Variants in CUBN observed in about 807,000 individuals in gnomAD.
The protein encoded by CUBN is 460 kDa receptor.
In CUBN, 282 loss-of-function variants were observed where a neutral mutation model predicts 405.3. The observed-to-expected ratio is 0.70, with a 90% confidence interval of 0.63 to 0.77. The LOEUF is 0.77. CUBN is among the 30% of genes least tolerant of loss of function. The pLI, the probability that CUBN is intolerant of heterozygous loss-of-function variation, is 0.00. For synonymous variants in CUBN, 1,684 were observed against 1,617.0 expected (o/e 1.04, Z -0.99); for missense variants, 4,514 against 4,475.2 (o/e 1.01, Z -0.25).
chr10:17,096,434 T>G (rs1407198737), intron 14 of CUBN, among the ~76,000 whole-genome samples: 2 of 151,932 alleles, frequency 1.3e-5, no homozygotes, highest in African/African-American at 4.8e-5. Flanking sequence ...TCAGTTAAGC[T>G]CCAATAAAGC....
chr10:16,900,902 G>T, intron 52 of CUBN, 52 bp from the exon 53 acceptor site: 1 of 1,179,254 alleles, frequency 8.5e-7, no homozygotes, highest in Non-Finnish European at 1.3e-6. Context: ...CAACTGTTAC[G>T]AAGATAAGGC....
intron 57 of CUBN, among the ~76,000 whole-genome samples, chr10:16,876,515 T>C (rs998020305): frequency 1.3e-5 from 2 of 152,152 alleles, no homozygotes; most frequent in Non-Finnish European, 2.9e-5. Flanking sequence ...TCTAAATATA[T>C]AAAATATTAA....
intron 65 of CUBN, among the ~76,000 whole-genome samples, chr10:16,829,298 C>T (rs1057264446): frequency 6.7e-6 from 1 of 150,056 alleles, no homozygotes; most frequent in African/African-American, 2.5e-5. Context: ...GGGATAACTT[C>T]CTCCAGGACT....
intron 65 of CUBN, 62 bp downstream of exon 65, chr10:16,831,190 T>C: frequency 6.9e-7 from 1 of 1,454,116 alleles, no homozygotes. Context: ...CTTTGCCTTT[T>C]ACTATTAGAC....
chr10:16,897,573 G>T (rs182887125), intron 54 of CUBN, among the ~76,000 whole-genome samples: 1 of 152,098 alleles, frequency 6.6e-6, no homozygotes, highest in Non-Finnish European at 1.5e-5. Flanking sequence ...GGACAAAGAG[G>T]CTTCCCAGAC....
At chr10:17,093,959 CAGA>C (rs1241428383) in intron 14 of CUBN, among the ~76,000 whole-genome samples, 3 of 151,874 alleles carry the variant, frequency 2.0e-5, no homozygotes, top group Admixed American at 6.6e-5. Context: ...ATTTGAGTCT[CAGA>C]AGGAGAAGAA....
At chr10:16,915,010 T>C (rs778795711) in intron 47 of CUBN, 22 bp downstream of exon 47, 2 of 1,609,472 alleles carry the variant, frequency 1.2e-6, no homozygotes. Flanking sequence ...CAATGTTGTG[T>C]TGAATGAATC....
chr10:17,008,107 C>T (rs1002576362), intron 28 of CUBN, among the ~76,000 whole-genome samples: 9 of 152,008 alleles, frequency 5.9e-5, no homozygotes, highest in South Asian at 2.1e-4. Context: ...GCTGAGATTG[C>T]GCCACTGCAC....
At chr10:17,009,670 C>A (rs142538371) in intron 28 of CUBN, among the ~76,000 whole-genome samples, 1 of 152,166 alleles carries the variant, frequency 6.6e-6, no homozygotes, top group Non-Finnish European at 1.5e-5. Context: ...ATAGTCAGGG[C>A]CCCACTGCAG....
chr10:16,859,727 GGT>G (rs1244408032), intron 59 of CUBN, among the ~76,000 whole-genome samples: 1 of 152,038 alleles, frequency 6.6e-6, no homozygotes, highest in Non-Finnish European at 1.5e-5. Flanking sequence ...ATAAAAGAGA[GGT>G]CTTCCAAAAG....
intron 14 of CUBN, among the ~76,000 whole-genome samples, chr10:17,095,730 T>C (rs1334729130): frequency 2.0e-5 from 3 of 152,106 alleles, no homozygotes; most frequent in Admixed American, 2.0e-4. Flanking sequence ...TTCAGCAATC[T>C]CACTTCTGGT....
chr10:16,901,713 G>A (rs929394964), intron 51 of CUBN, among the ~76,000 whole-genome samples: 2 of 151,512 alleles, frequency 1.3e-5, no homozygotes, highest in African/African-American at 4.9e-5. Flanking sequence ...AATTAGCTGG[G>A]CTTGGTGGCG....
chr10:17,036,994 T>C (rs1303511833), intron 27 of CUBN, among the ~76,000 whole-genome samples: 1 of 152,180 alleles, frequency 6.6e-6, no homozygotes, highest in African/African-American at 2.4e-5. Flanking sequence ...TTTCTGAATA[T>C]GAACAACCTA....
intron 56 of CUBN, among the ~76,000 whole-genome samples, chr10:16,881,363 T>A (rs949088601): frequency 6.6e-6 from 1 of 152,236 alleles, no homozygotes; most frequent in East Asian, 1.9e-4. Context: ...CTTGATTATG[T>A]TGACAAATAG....
At chr10:17,084,247 G>A (rs370369214) in intron 17 of CUBN, 24 bp downstream of exon 17, 1 of 1,610,436 alleles carries the variant, frequency 6.2e-7, no homozygotes, top group African/African-American at 1.3e-5. Context: ...TGTCATCTAA[G>A]GGCGATTGAG....
Position 16,948,538 on chromosome 10 carries a change from C to A in CUBN, c.5149G>T (p.Val1717Phe), listed in dbSNP as rs769662282. The stretch of plus-strand genomic sequence containing the variant: ...CCAGCACTGATGCTAGAATCAGAGA[C>A]GAATCTCAGCGTCAGGGCGCTGCTG... ...SFSSALTLRFVSDSSISAGGF... is the reference protein window; with the variant it reads ...SFSSALTLRFFSDSSISAGGF... Residue 1717 changes from valine (V) to phenylalanine (F), a missense_variant, in exon 35 of 67, where the codon GTC becomes TTC. Physicochemically the swap from Val to Phe is conservative, Grantham distance 50. This residue lies in a region of CUBN where 1,613 missense variants were observed against 1,542.8 expected (regional missense o/e 1.05). Transcript: ENST00000377833. The A allele has an allele frequency of 2.7e-5, 43 of 1,613,936 alleles. No individual in the cohort carries two copies. Among genetic ancestry groups the A allele is most frequent in the Non-Finnish European group, 3.0e-5 (35 of 1,179,980 alleles).
chr10:16,919,415 G>A (rs1469666048), intron 44 of CUBN, among the ~76,000 whole-genome samples: 1 of 152,202 alleles, frequency 6.6e-6, no homozygotes, highest in Non-Finnish European at 1.5e-5. Context: ...TTCAAGGAAA[G>A]AGAAAAATGT....
At chr10:17,005,351 T>A (rs1211448972) in intron 28 of CUBN, among the ~76,000 whole-genome samples, 1 of 152,208 alleles carries the variant, frequency 6.6e-6, no homozygotes, top group Admixed American at 6.5e-5. Flanking sequence ...TGCATATCTG[T>A]TATGTACTGT....
intron 50 of CUBN, 80 bp from the exon 51 acceptor site, chr10:16,904,195 T>C: frequency 7.7e-7 from 1 of 1,305,478 alleles, no homozygotes; most frequent in Non-Finnish European, 1.1e-6. Flanking sequence ...AAAAACAAAT[T>C]TCAAGATATT....
Sources: allele counts gnomAD v4.1 joint callset (sites outside exome capture counted in the v4.1 genomes callset), GRCh38; gene constraint gnomAD v4.1.1; regional missense constraint gnomAD v4.1.1; transcripts MANE v1.5; gene names NCBI Gene and HGNC (gene_info 2026-07-23, HGNC 2026-07-21).